SYNPO2: variants seen among roughly 807,000 people sequenced by gnomAD.
The protein encoded by SYNPO2 is synaptopodin 2.
In SYNPO2, 56 loss-of-function variants were observed where a neutral mutation model predicts 85.0. The observed-to-expected ratio is 0.66, with a 90% confidence interval of 0.53 to 0.82. The LOEUF is 0.82. SYNPO2 is among the 40% of genes least tolerant of loss of function. SYNPO2 has a pLI of 0.00. For synonymous variants in SYNPO2, 602 were observed against 591.1 expected (o/e 1.02, Z -0.27); for missense variants, 1,575 against 1,534.2 (o/e 1.03, Z -0.44).
At chr4:118,881,314 A>AAAAG (rs1732094059) in intron 1 of SYNPO2, among the ~76,000 whole-genome samples, 1 of 151,430 alleles carries the variant, frequency 6.6e-6, no homozygotes, top group Non-Finnish European at 1.5e-5. Context: ...AAAAAAAAAA[A>AAAAG]AAGAAGAAGA....
chr4:119,032,862 T>TAATAAC (rs1738341346), intron 4 of SYNPO2: 10 of 937,148 alleles, frequency 1.1e-5, no homozygotes, highest in Non-Finnish European at 1.3e-5. Flanking sequence ...TCAATAATAA[T>TAATAAC]AATAATAATA....
At chr4:118,863,771 C>T (rs1731654707) in intron 1 of SYNPO2, among the ~76,000 whole-genome samples, 1 of 152,128 alleles carries the variant, frequency 6.6e-6, no homozygotes, top group Admixed American at 6.5e-5. Context: ...GCCATCACAC[C>T]CGGTTAATTT....
chr4:118,911,541 T>C (rs1178012932), intron 1 of SYNPO2, among the ~76,000 whole-genome samples: 1 of 152,196 alleles, frequency 6.6e-6, no homozygotes, highest in Non-Finnish European at 1.5e-5. Flanking sequence ...TCTTTTGTTG[T>C]TTTATTTTCT....
intron 1 of SYNPO2, among the ~76,000 whole-genome samples, chr4:118,878,727 T>G (rs1199099431): frequency 6.6e-6 from 1 of 152,046 alleles, no homozygotes; most frequent in African/African-American, 2.4e-5. Context: ...CAATCAGCAC[T>G]CTGTAAAAAC....
intron 1 of SYNPO2, among the ~76,000 whole-genome samples, chr4:118,873,183 A>G (rs1049714291): frequency 7.9e-5 from 12 of 152,202 alleles, no homozygotes; most frequent in Admixed American, 4.6e-4. Context: ...TCTTTTTGAT[A>G]TAATAATTTC....
In SYNPO2 at chr4:118,938,045, GTAATCCTA is replaced by G. The variant is rs1560886680; in HGVS notation, c.105+48905_105+48912del. Among the ~76,000 whole-genome samples, 18 of 152,288 alleles carry G rather than the reference GTAATCCTA, an allele frequency of 1.2e-4. No homozygotes were observed. The East Asian group carries it at 3.5e-3, about 29-fold the overall frequency. On this transcript the variant is annotated intron_variant, in intron 1 of 4. Transcript: ENST00000307142. ...GGGCCAGGCACGGTGGCTCACACCTGTAATCCTAGCACTTTGGAAGGCCGAGGCAGGTA... is the reference window on the plus strand; with the variant it reads ...GGGCCAGGCACGGTGGCTCACACCTGGCACTTTGGAAGGCCGAGGCAGGTA...
At chr4:118,866,673 C>T (rs1329936297) in intron 1 of SYNPO2, among the ~76,000 whole-genome samples, 1 of 152,108 alleles carries the variant, frequency 6.6e-6, no homozygotes, top group Non-Finnish European at 1.5e-5. Context: ...TGGACCTCCC[C>T]CTTGCTGTTC....
At chr4:119,033,396 G>C (rs1738368668) in intron 4 of SYNPO2, 1 of 985,278 alleles carries the variant, frequency 1.0e-6, no homozygotes, top group Non-Finnish European at 1.2e-6. Flanking sequence ...CACACACCAT[G>C]TTGTCACCCA....
Position 118,938,203 on chromosome 4 carries a change from C to T in SYNPO2, c.105+49062C>T, listed in dbSNP as rs767662376. On this transcript the variant is annotated intron_variant, in intron 1 of 4. Transcript: ENST00000307142. ...GCCGGGTGGCAGGAGTCTGCAGTCC[C>T]GGCTATTTGGGAGGCTGAGGCACAA... Among the ~76,000 whole-genome samples the T allele has an allele frequency of 9.9e-4, 150 of 152,146 alleles. 1 individual carries two copies. Among genetic ancestry groups the T allele is most frequent in the African/African-American group, 3.4e-3 (143 of 41,502 alleles).
intron 1 of SYNPO2, among the ~76,000 whole-genome samples, chr4:118,878,248 A>G (rs1035253604): frequency 6.6e-6 from 1 of 152,148 alleles, no homozygotes; most frequent in East Asian, 1.9e-4. Flanking sequence ...AAAACCACCT[A>G]TGCACTATGC....
intron 1 of SYNPO2, among the ~76,000 whole-genome samples, chr4:118,858,357 G>A (rs28706123): frequency 0.56 from 84,542 of 152,066 alleles, 25,612 homozygotes; most frequent in African/African-American, 0.79. Context: ...AAAATTAAAG[G>A]GAACTTTCAA....
At position 118,882,804 on chromosome 4, in the gene SYNPO2, C is replaced by G. The variant is rs1258285642; in HGVS notation, c.12+31864C>G. ...TTTTTTTTTGAGACGGAGTCTCGCTCTGTCGCCCAGGCTGAAGTGCAATGG... is the reference window on the plus strand; with the variant it reads ...TTTTTTTTTGAGACGGAGTCTCGCTGTGTCGCCCAGGCTGAAGTGCAATGG... On this transcript the variant is annotated intron_variant, in intron 1 of 4. Coordinates refer to the SYNPO2 transcript ENST00000610556. Among the ~76,000 whole-genome samples, 5 of 151,014 alleles carry G rather than the reference C, an allele frequency of 3.3e-5. 1 individual carries two copies. The highest frequency in any genetic ancestry group is 3.3e-4 in the Admixed American group (5 of 15,114).
At chr4:118,945,834 C>T (rs1341928508) in intron 1 of SYNPO2, among the ~76,000 whole-genome samples, 2 of 152,020 alleles carry the variant, frequency 1.3e-5, no homozygotes, top group Admixed American at 6.6e-5. Context: ...CAACCTCTGC[C>T]TCCCGGATTC....
intron 1 of SYNPO2, among the ~76,000 whole-genome samples, chr4:118,881,722 T>G (rs1732106389): frequency 6.6e-6 from 1 of 152,186 alleles, no homozygotes; most frequent in African/African-American, 2.4e-5. Flanking sequence ...AGACGGCACA[T>G]AGATCATAGG....
chr4:118,884,437 A>T (rs1257340545), upstream of SYNPO2, among the ~76,000 whole-genome samples: 1 of 152,162 alleles, frequency 6.6e-6, no homozygotes, highest in African/African-American at 2.4e-5. Flanking sequence ...TACATGAATT[A>T]ATCACTCAGG....
In SYNPO2 at chr4:118,991,102, C is replaced by T. The variant is rs77837020; in HGVS notation, c.106-32328C>T. Among the ~76,000 whole-genome samples, 313 of 152,240 alleles carry T rather than the reference C, an allele frequency of 2.1e-3. 2 individuals carry two copies. Among genetic ancestry groups the T allele is most frequent in the East Asian group, 0.014 (75 of 5,178 alleles). ...TAAATTCAACTTCCCGGGCCTAGTT[C>T]TGGCCTAATTAAATGACTCTTTTTA... is the stretch of plus-strand genomic sequence containing the variant. On this transcript the variant is annotated intron_variant, in intron 1 of 4. Coordinates refer to ENST00000307142, the MANE Select transcript of SYNPO2 (RefSeq NM_133477.3).
At chr4:118,875,456 A>C (rs1471591692) in intron 1 of SYNPO2, among the ~76,000 whole-genome samples, 2 of 152,182 alleles carry the variant, frequency 1.3e-5, no homozygotes, top group Non-Finnish European at 2.9e-5. Flanking sequence ...ACAACATGCA[A>C]CTTCCTATAC....
chr4:118,858,992 T>G (rs932481249), intron 1 of SYNPO2, among the ~76,000 whole-genome samples: 1 of 152,112 alleles, frequency 6.6e-6, no homozygotes, highest in African/African-American at 2.4e-5. Flanking sequence ...CATGGGAGGG[T>G]GAACTTGGCT....
rs562472408 is a variant in SYNPO2, at chr4:118,952,558, A to G, written c.105+63417A>G. Among the ~76,000 whole-genome samples the G allele has an allele frequency of 3.3e-5, 5 of 152,306 alleles. No individual in the cohort carries two copies. In the East Asian group the frequency reaches 5.8e-4, roughly 18 times the overall value. ...TTGAATTAACTCTAATTAATTTTAT[A>G]TACAATTCTCAAATTTCATTCTAGT... On this transcript the variant is annotated intron_variant, in intron 1 of 4. Coordinates refer to ENST00000307142, the MANE Select transcript of SYNPO2 (RefSeq NM_133477.3).
Sources: allele counts gnomAD v4.1 joint callset (sites outside exome capture counted in the v4.1 genomes callset), GRCh38; gene constraint gnomAD v4.1.1; transcripts MANE v1.5; gene names NCBI Gene and HGNC (gene_info 2026-07-23, HGNC 2026-07-21).